Variants in MAPK1IP1L observed in about 807,000 individuals in gnomAD.
MAPK1IP1L encodes mitogen-activated protein kinase 1 interacting protein 1 like, also known as MAPK-interacting and spindle-stabilizing protein-like.
A neutral mutation model predicts 18.1 loss-of-function variants in MAPK1IP1L; 10 were observed. That is an observed-to-expected ratio of 0.55 (90% CI 0.34 to 0.94). The LOEUF is 0.94. Ranked by LOEUF, MAPK1IP1L falls within the 40% of genes least tolerant of loss-of-function variation. The pLI is 0.02. For synonymous variants in MAPK1IP1L, 115 were observed against 117.3 expected (o/e 0.98, Z 0.13); for missense variants, 260 against 318.2 (o/e 0.82, Z 1.39).
Position 55,068,525 on chromosome 14 carries a change from T to G in MAPK1IP1L, c.*3898T>G, listed in dbSNP as rs187567935. On this transcript the variant is annotated 3_prime_UTR_variant, in exon 4 of 4. Transcript: ENST00000395468. ...AGCTAGCTTTATCAAATGCCAAGGTTAGAAAGCCTGGAAATAAAACTTAAG... is the reference window on the plus strand; with the variant it reads ...AGCTAGCTTTATCAAATGCCAAGGTGAGAAAGCCTGGAAATAAAACTTAAG... 1 of 152,682 alleles carries G rather than the reference T, an allele frequency of 6.5e-6. No individual in the cohort carries two copies. The highest frequency in any genetic ancestry group is 1.9e-4 in the East Asian group (1 of 5,194). The allele number at this position is 152,682 out of a possible 1,614,324, so 9.5% of individuals were successfully genotyped here.
chr14:55,053,092 A>G (rs374834730), intron 1 of MAPK1IP1L, among the ~76,000 whole-genome samples: 4 of 152,234 alleles, frequency 2.6e-5, no homozygotes, highest in African/African-American at 7.2e-5. Flanking sequence ...TTTTGCCACC[A>G]TGTAAGTTTT....
intron 1 of MAPK1IP1L, among the ~76,000 whole-genome samples, chr14:55,053,122 A>G (rs1457636670): frequency 2.0e-5 from 3 of 152,248 alleles, no homozygotes; most frequent in Non-Finnish European, 4.4e-5. Flanking sequence ...TAGGGCAGAT[A>G]AAGATTTATG....
chr14:55,051,666 G>C lies in MAPK1IP1L; in HGVS notation c.-142G>C, dbSNP rs749403454. On this transcript the variant is annotated 5_prime_UTR_variant, in exon 1 of 4. Coordinates refer to ENST00000395468, the MANE Select transcript of MAPK1IP1L (RefSeq NM_144578.4). ...CTCGGCGCTTCCTGTTCCGGCGCCAGGAGGAGCCGCGCGCTGCTGGTGCTG... is the reference window on the plus strand; with the variant it reads ...CTCGGCGCTTCCTGTTCCGGCGCCACGAGGAGCCGCGCGCTGCTGGTGCTG... The C allele has an allele frequency of 3.9e-6, 2 of 514,434 alleles. No homozygotes were observed. Among genetic ancestry groups the C allele is most frequent in the Non-Finnish European group, 7.7e-6 (2 of 258,746 alleles). 31.9% of individuals were successfully genotyped at this position (514,434 alleles called of 1,614,324 possible). A position where few individuals can be genotyped will look rare whatever the true frequency, so the allele number is the denominator to read the frequency against.
At position 55,066,936 on chromosome 14, in the gene MAPK1IP1L, C is replaced by T. The variant is rs1036786463; in HGVS notation, c.*2309C>T. ...TTTTTGAGACGGAGTCTCGCTCTGT[C>T]GCCCATGCTGGAGTGCAGTGGTGCT... On this transcript the variant is annotated 3_prime_UTR_variant, in exon 4 of 4. Coordinates refer to ENST00000395468, the MANE Select transcript of MAPK1IP1L (RefSeq NM_144578.4). The T allele has an allele frequency of 6.6e-5, 10 of 150,768 alleles. 1 individual carries two copies. Among genetic ancestry groups the T allele is most frequent in the South Asian group, 4.2e-4 (2 of 4,792 alleles). 9.3% of individuals were successfully genotyped at this position (150,768 alleles called of 1,614,324 possible).
chr14:55,062,281 A>G (rs556506962), intron 2 of MAPK1IP1L, among the ~76,000 whole-genome samples: 3 of 152,326 alleles, frequency 2.0e-5, no homozygotes, highest in Admixed American at 1.3e-4. Flanking sequence ...CTTTGAGGTT[A>G]AGCCAGGATT....
At chr14:55,056,699 C>T (rs376653862) in intron 1 of MAPK1IP1L, among the ~76,000 whole-genome samples, 57 of 152,166 alleles carry the variant, frequency 3.7e-4, no homozygotes, top group African/African-American at 9.2e-4. Flanking sequence ...TTAGTAGAGA[C>T]GGGGTTTCAC....
intron 1 of MAPK1IP1L, among the ~76,000 whole-genome samples, chr14:55,059,691 C>T (rs900031526): frequency 1.3e-5 from 2 of 152,194 alleles, no homozygotes; most frequent in African/African-American, 2.4e-5. Flanking sequence ...CTCTCCTTGT[C>T]ATTAGCTCTG....
chr14:55,062,709 C>T lies in MAPK1IP1L; in HGVS notation c.110C>T (p.Ser37Phe). 1 of 1,614,222 alleles carries T rather than the reference C, an allele frequency of 6.2e-7. No individual in the cohort carries two copies. Among genetic ancestry groups the T allele is most frequent in the Non-Finnish European group, 8.5e-7 (1 of 1,180,038 alleles). Reference protein sequence around the residue: ...PGQPPQGWPGSNPWNNPSAPS... With the variant: ...PGQPPQGWPGFNPWNNPSAPS... ...CAACCTCCTCAAGGCTGGCCAGGCT[C>T]CAACCCTTGGAATAATCCGAGTGCT... The change falls in exon 3 of 4, where the codon TCC becomes TTC. Residue 37 changes from serine to phenylalanine, a missense_variant. Transcript: ENST00000395468.
chr14:55,054,498 C>T (rs1482161643), intron 1 of MAPK1IP1L, among the ~76,000 whole-genome samples: 1 of 152,126 alleles, frequency 6.6e-6, no homozygotes, highest in South Asian at 2.1e-4. Flanking sequence ...AACAAATCAA[C>T]CCAAAAATTT....
chr14:55,058,914 T>G (rs1229844374), intron 1 of MAPK1IP1L, among the ~76,000 whole-genome samples: 1 of 151,632 alleles, frequency 6.6e-6, no homozygotes, highest in African/African-American at 2.4e-5. Context: ...ATTCACACTT[T>G]TAAGTATTAT....
rs2042828635 is a variant in MAPK1IP1L at position 55,062,857 on chromosome 14, A to C, written c.258A>C (p.Ala86=). ...CCGGACCACCTCCAGGACCCCCAGCACCCTTTCCTCCTTCCGGACCATCAT... is the reference window on the plus strand; with the variant it reads ...CCGGACCACCTCCAGGACCCCCAGCCCCCTTTCCTCCTTCCGGACCATCAT... The part of the protein sequence containing the change: ...PPTGPPPGPP[A]PFPPSGPSCP... The change falls in exon 3 of 4, where the codon GCA becomes GCC. Residue 86 remains alanine, a synonymous_variant. Coordinates refer to ENST00000395468, the MANE Select transcript of MAPK1IP1L (RefSeq NM_144578.4). 2 of 1,612,950 alleles carry C rather than the reference A, an allele frequency of 1.2e-6. No individual in the cohort carries two copies. The highest frequency in any genetic ancestry group is 1.7e-6 in the Non-Finnish European group (2 of 1,179,714).
rs1224097859 is a variant in MAPK1IP1L at position 55,065,110 on chromosome 14, C to G, written c.*483C>G. On this transcript the variant is annotated 3_prime_UTR_variant, in exon 4 of 4. Coordinates refer to ENST00000395468, the MANE Select transcript of MAPK1IP1L (RefSeq NM_144578.4). ...TGAGCTGCTCTGTCGGACAAATAAA[C>G]CTGGTCCTCTTGAGGTTATATTTTG... is the stretch of plus-strand genomic sequence containing the variant. The G allele has an allele frequency of 6.6e-6, 1 of 152,592 alleles. No homozygotes were observed. The highest frequency in any genetic ancestry group is 1.5e-5 in the Non-Finnish European group (1 of 68,306). 9.5% of individuals were successfully genotyped at this position (152,592 alleles called of 1,614,324 possible). A position where few individuals can be genotyped will look rare whatever the true frequency, so the allele number is the denominator to read the frequency against.
rs10545370 is a variant in MAPK1IP1L at position 55,066,900 on chromosome 14, ATTTT to A, written c.*2285_*2288del. ...ACTTTGCAACTGGTATTTGGGGGAG[ATTTT>A]TTTTTTTTTTTGAGACGGAGTCTCG... On this transcript the variant is annotated 3_prime_UTR_variant, in exon 4 of 4. Coordinates refer to ENST00000395468, the MANE Select transcript of MAPK1IP1L (RefSeq NM_144578.4). 2.1e-5 allele frequency: 3 copies of A among 144,368 alleles called. No homozygotes were observed. Among genetic ancestry groups the A allele is most frequent in the Non-Finnish European group, 3.0e-5 (2 of 65,740 alleles). 8.9% of individuals were successfully genotyped at this position (144,368 alleles called of 1,614,324 possible).
chr14:55,056,780 A>AT (rs1361240601), intron 1 of MAPK1IP1L, among the ~76,000 whole-genome samples: 6 of 152,208 alleles, frequency 3.9e-5, no homozygotes, highest in Admixed American at 2.0e-4. Flanking sequence ...AAGTGCTGGG[A>AT]TTACAGGCGT....
At position 55,053,560 on chromosome 14, in the gene MAPK1IP1L, G is replaced by A. The variant is rs1012318590; in HGVS notation, c.-5+1757G>A. On this transcript the variant is annotated intron_variant, in intron 1 of 3. Coordinates refer to ENST00000395468, the MANE Select transcript of MAPK1IP1L (RefSeq NM_144578.4). ...TAGTATGGCCTGTTCTTTATAGTTC[G>A]GGTTCATTCAGATGAGCCGACTTTT... 2.6e-5 allele frequency among the ~76,000 whole-genome samples: 4 copies of A among 152,150 alleles called. No homozygotes were observed. The South Asian group carries it at 6.3e-4, about 24-fold the overall frequency.
intron 1 of MAPK1IP1L, among the ~76,000 whole-genome samples, chr14:55,055,410 C>T (rs1480201765): frequency 6.6e-6 from 1 of 152,164 alleles, no homozygotes; most frequent in Non-Finnish European, 1.5e-5. Flanking sequence ...TATAGTTGTT[C>T]CCCCTTATCC....
chr14:55,063,512 G>A (rs935914588), intron 3 of MAPK1IP1L, among the ~76,000 whole-genome samples, 187 bp downstream of exon 3: 2 of 152,042 alleles, frequency 1.3e-5, no homozygotes, highest in Non-Finnish European at 2.9e-5. Context: ...ACTGTTTTAA[G>A]TATTCCTTGT....
At chr14:55,058,089 G>A (rs2042785847) in intron 1 of MAPK1IP1L, among the ~76,000 whole-genome samples, 1 of 152,186 alleles carries the variant, frequency 6.6e-6, no homozygotes, top group Non-Finnish European at 1.5e-5. Flanking sequence ...TGAACTGGAC[G>A]CCATCCCAGC....
At chr14:55,061,973 G>C (rs2042821582) in intron 2 of MAPK1IP1L, among the ~76,000 whole-genome samples, 1 of 152,150 alleles carries the variant, frequency 6.6e-6, no homozygotes, top group Non-Finnish European at 1.5e-5. Context: ...GTGATTCTTG[G>C]CTTTGGGGGT....
Sources: allele counts gnomAD v4.1 joint callset (sites outside exome capture counted in the v4.1 genomes callset), GRCh38; gene constraint gnomAD v4.1.1; transcripts MANE v1.5; gene names NCBI Gene and HGNC (gene_info 2026-07-23, HGNC 2026-07-21).